ABHD18: variants seen among roughly 807,000 people sequenced by gnomAD.
The protein encoded by ABHD18 is abhydrolase domain containing 18.
ABHD18 carries 55 observed loss-of-function variants against 65.9 expected under a neutral mutation model. The observed-to-expected ratio is 0.84, with a 90% CI of 0.67 to 1.05. ABHD18 has a LOEUF of 1.05. Among genes scored for constraint, ABHD18 ranks in the 50% least tolerant of loss-of-function variants. The pLI, the probability that ABHD18 is intolerant of heterozygous loss-of-function variation, is 0.00. For missense variants in ABHD18, 533 were observed against 558.5 expected (o/e 0.95, Z 0.46); for synonymous variants, 181 against 180.2 (o/e 1.00, Z -0.04).
intron 4 of ABHD18, among the ~76,000 whole-genome samples, chr4:127,998,511 T>C (rs911068051): frequency 2.0e-5 from 3 of 151,808 alleles, no homozygotes; most frequent in Non-Finnish European, 4.4e-5. Flanking sequence ...AGTGCTGGGA[T>C]TACGGGCGTG....
At chr4:127,992,777 C>T (rs779464445) in intron 4 of ABHD18, among the ~76,000 whole-genome samples, 35 of 151,996 alleles carry the variant, frequency 2.3e-4, no homozygotes, top group Non-Finnish European at 4.4e-5. Flanking sequence ...TTCCTGGGCT[C>T]ATGTGATCCT....
intron 1 of ABHD18, among the ~76,000 whole-genome samples, chr4:127,974,103 C>A (rs114534703): frequency 8.9e-4 from 132 of 148,160 alleles, no homozygotes; most frequent in African/African-American, 3.2e-3. Flanking sequence ...AAATTATATT[C>A]TTTAAAGGTC....
Position 128,035,899 on chromosome 4 carries a change from C to A in ABHD18, c.*86C>A. 2.6e-6 allele frequency: 2 copies of A among 755,726 alleles called. No individual in the cohort carries two copies. The highest frequency in any genetic ancestry group is 2.0e-5 in the South Asian group (1 of 48,838). The allele number at this position is 755,726 out of a possible 1,614,324, so 46.8% of individuals were successfully genotyped here. ...TGTGATCATGTGAAGGACAAGCAGACAGCACTAATATATCTAATCGCTATC... is the reference window on the plus strand; with the variant it reads ...TGTGATCATGTGAAGGACAAGCAGAAAGCACTAATATATCTAATCGCTATC... On this transcript the variant is annotated 3_prime_UTR_variant, in exon 13 of 13. Coordinates refer to ENST00000645843, the MANE Select transcript of ABHD18 (RefSeq NM_001358451.3).
chr4:128,004,704 A>G (rs146477541), intron 4 of ABHD18, among the ~76,000 whole-genome samples: 4,713 of 129,610 alleles, frequency 0.036, 302 homozygotes, highest in East Asian at 0.3. Flanking sequence ...TGAGGTCAGG[A>G]GTTCGAGACC....
chr4:128,000,361 C>A (rs1752459005), intron 4 of ABHD18, among the ~76,000 whole-genome samples: 1 of 152,196 alleles, frequency 6.6e-6, no homozygotes. Flanking sequence ...TCTATCCTAA[C>A]ACCATTTATT....
At chr4:127,993,354 G>C (rs1410524085) in intron 4 of ABHD18, among the ~76,000 whole-genome samples, 1 of 152,154 alleles carries the variant, frequency 6.6e-6, no homozygotes, top group Non-Finnish European at 1.5e-5. Flanking sequence ...TTAGTGACAG[G>C]AATGGGGAAA....
chr4:127,975,400 A>C lies in ABHD18; in HGVS notation c.-17-7539A>C, dbSNP rs191950287. Among the ~76,000 whole-genome samples the C allele has an allele frequency of 2.2e-4, 33 of 152,264 alleles. 1 individual carries two copies. In the East Asian group the frequency reaches 6.4e-3, roughly 29 times the overall value. On this transcript the variant is annotated intron_variant, in intron 1 of 12. Coordinates refer to ENST00000645843, the MANE Select transcript of ABHD18 (RefSeq NM_001358451.3). ...GTATCTTGTTTAAATTGAATCATAC[A>C]ATATTTGTCTTTTTGTGGCTGACTA... is the stretch of plus-strand genomic sequence containing the variant.
In ABHD18 at chr4:128,000,989, T is replaced by A. The variant is rs149562750; in HGVS notation, c.279-7931T>A. The stretch of plus-strand genomic sequence containing the variant: ...TACTGAGTTTTATACATTAATTTTC[T>A]ATCTTGAAACTTTGCTGAAGTTATT... On this transcript the variant is annotated intron_variant, in intron 4 of 12. Transcript: ENST00000645843. Among the ~76,000 whole-genome samples, 300 of 152,328 alleles carry A rather than the reference T, an allele frequency of 2.0e-3. 6 individuals carry two copies. The highest frequency in any genetic ancestry group is 4.9e-4 in the Non-Finnish European group (33 of 68,034).
At chr4:128,006,355 C>T (rs149372830) in intron 4 of ABHD18, among the ~76,000 whole-genome samples, 170 of 152,236 alleles carry the variant, frequency 1.1e-3, no homozygotes, top group Middle Eastern at 0.01. Flanking sequence ...TATCAGGAAA[C>T]TCGACAATGC....
chr4:128,019,537 A>T (rs1756117982), intron 8 of ABHD18, among the ~76,000 whole-genome samples: 1 of 152,166 alleles, frequency 6.6e-6, no homozygotes, highest in Admixed American at 6.6e-5. Flanking sequence ...TTCCCTTCTG[A>T]TTCCTCCAGC....
intron 4 of ABHD18, among the ~76,000 whole-genome samples, chr4:128,008,261 CTTTTTTTTTTTTTTTT>C (rs1167728243): frequency 2.0e-5 from 2 of 97,772 alleles, no homozygotes; most frequent in African/African-American, 9.0e-5. Flanking sequence ...GACTCCGTTC[CTTTTTTTTTTTTTTTT>C]TTTTTTTTTT....
chr4:127,981,584 AG>A (rs1335832027), intron 1 of ABHD18, among the ~76,000 whole-genome samples: 1 of 152,214 alleles, frequency 6.6e-6, no homozygotes, highest in Non-Finnish European at 1.5e-5. Context: ...TTAGAAGTGC[AG>A]GAACTTATTA....
rs1759004911 is a variant in ABHD18, at chr4:128,037,690, G to A, written c.*1877G>A. On this transcript the variant is annotated 3_prime_UTR_variant, in exon 13 of 13. Coordinates refer to ENST00000645843, the MANE Select transcript of ABHD18 (RefSeq NM_001358451.3). The stretch of plus-strand genomic sequence containing the variant: ...ACATTTTTCTATATGCTTATTCTTT[G>A]GATTGCTAACCATCTAACTACCCAA... 6.6e-6 allele frequency: 1 copy of A among 151,812 alleles called. No homozygotes were observed. Among genetic ancestry groups the A allele is most frequent in the Non-Finnish European group, 1.5e-5 (1 of 67,994 alleles). 9.4% of individuals were successfully genotyped at this position (151,812 alleles called of 1,614,324 possible). A position where few individuals can be genotyped will look rare whatever the true frequency, so the allele number is the denominator to read the frequency against.
chr4:127,966,702 C>CAAAAAAAAAAAAAAAAAAAAA (rs70966065), intron 1 of ABHD18, among the ~76,000 whole-genome samples: 1 of 21,540 alleles, frequency 4.6e-5, no homozygotes, highest in African/African-American at 1.8e-4. Context: ...ACTAAAAATA[C>CAAAAAAAAAAAAAAAAAAAAA]AAAAAAAAAA....
At chr4:128,014,237 C>G (rs1180675444) in intron 7 of ABHD18, among the ~76,000 whole-genome samples, 1 of 152,116 alleles carries the variant, frequency 6.6e-6, no homozygotes, top group Admixed American at 6.6e-5. Context: ...CCCGCCTCAG[C>G]CCCCCAAAGT....
chr4:127,980,419 C>T (rs1387177353), intron 1 of ABHD18, among the ~76,000 whole-genome samples: 1 of 100,756 alleles, frequency 9.9e-6, no homozygotes, highest in Non-Finnish European at 2.5e-5. Flanking sequence ...CAACACAAAA[C>T]AGAGCAAGAC....
At position 128,035,804 on chromosome 4, in the gene ABHD18, C is replaced by T. The variant is rs550478069; in HGVS notation, c.1386C>T (p.Tyr462=). 7 of 1,534,000 alleles carry T rather than the reference C, an allele frequency of 4.6e-6. No individual in the cohort carries two copies. The highest frequency in any genetic ancestry group is 4.9e-5 in the East Asian group (2 of 40,802). The part of the protein sequence containing the change: ...YDAFDRFLHK[Y]AN ...CATTTGACCGCTTCCTCCATAAATACGCTAACTAGTTGGATTATTATATGT... is the reference window on the plus strand; with the variant it reads ...CATTTGACCGCTTCCTCCATAAATATGCTAACTAGTTGGATTATTATATGT... The change falls in exon 13 of 13, where the codon TAC becomes TAT. Residue 462 remains tyrosine (Y), a synonymous_variant. Coordinates refer to ENST00000645843, the MANE Select transcript of ABHD18 (RefSeq NM_001358451.3).
chr4:127,982,066 G>A (rs2149068910), intron 1 of ABHD18, among the ~76,000 whole-genome samples: 1 of 152,074 alleles, frequency 6.6e-6, no homozygotes, highest in East Asian at 1.9e-4. Flanking sequence ...AAATGAAAAA[G>A]TAAAAATAGA....
At chr4:127,971,170 C>T (rs1746700182) in intron 1 of ABHD18, among the ~76,000 whole-genome samples, 1 of 149,404 alleles carries the variant, frequency 6.7e-6, no homozygotes, top group Non-Finnish European at 1.5e-5. Flanking sequence ...GGGTGGATTA[C>T]TTGAGCTGAG....
Sources: allele counts gnomAD v4.1 joint callset (sites outside exome capture counted in the v4.1 genomes callset), GRCh38; gene constraint gnomAD v4.1.1; transcripts MANE v1.5; gene names NCBI Gene and HGNC (gene_info 2026-07-23, HGNC 2026-07-21).